The following LINGO2 variants were observed in gnomAD, a reference collection of about 807,000 sequenced individuals.
LINGO2 encodes leucine rich repeat and Ig domain containing 2, also known as leucine-rich repeat and immunoglobulin-like domain-containing nogo receptor-interacting protein 2.
Under a neutral mutation model 30.6 loss-of-function variants are expected in LINGO2, and 14 were observed. The ratio of observed to expected loss-of-function variants is 0.46; its 90% CI spans 0.30 to 0.72. LINGO2 has a LOEUF of 0.72. LINGO2 is among the 30% of genes least tolerant of loss of function. The probability of loss-of-function intolerance (pLI) is 0.07; values close to 1 mark genes in which losing one functional copy is unlikely to be tolerated. For missense variants in LINGO2, 729 were observed against 751.7 expected (o/e 0.97, Z 0.35); for synonymous variants, 317 against 288.5 (o/e 1.10, Z -1.00).
chr9:28,634,484 T>C (rs1487736525), intron 1 of LINGO2, among the ~76,000 whole-genome samples: 6 of 137,124 alleles, frequency 4.4e-5, no homozygotes, highest in Non-Finnish European at 6.1e-5. Flanking sequence ...TTTCTTTTTT[T>C]CTTTTTTTTT....
the LINGO2 span, among the ~76,000 whole-genome samples, chr9:29,002,392 C>T: frequency 1.3e-5 from 2 of 152,022 alleles, no homozygotes; most frequent in African/African-American, 4.8e-5. Flanking sequence ...AGCACATACA[C>T]AGATCTGAGT....
chr9:28,732,845 GAAGAAATCCTGGCCTGATGC>G, the LINGO2 span, among the ~76,000 whole-genome samples: 19 of 152,146 alleles, frequency 1.2e-4, no homozygotes, highest in African/African-American at 4.1e-4. Context: ...TCCACTTTCT[GAAGAAATCCTGGCCTGATGC>G]AAGAAATCCT....
chr9:28,681,139 A>G, the LINGO2 span, among the ~76,000 whole-genome samples: 44 of 152,012 alleles, frequency 2.9e-4, no homozygotes, highest in Middle Eastern at 0.01. Flanking sequence ...ATAAGGGTCT[A>G]AATTCACTCT....
the LINGO2 span, among the ~76,000 whole-genome samples, chr9:29,182,243 A>T: frequency 2.6e-5 from 4 of 152,214 alleles, no homozygotes; most frequent in Non-Finnish European, 4.4e-5. Flanking sequence ...GTAACTTTTC[A>T]GGAACATATC....
At chr9:28,717,182 T>G in the LINGO2 span, among the ~76,000 whole-genome samples, 5 of 151,986 alleles carry the variant, frequency 3.3e-5, no homozygotes, top group Non-Finnish European at 7.4e-5. Context: ...GACTAATGGC[T>G]GCTTTAACCC....
Position 28,102,742 on chromosome 9 carries a change from T to C in LINGO2, c.-86-90337A>G, listed in dbSNP as rs566905956. Among the ~76,000 whole-genome samples, 6 of 151,878 alleles carry C rather than the reference T, an allele frequency of 4.0e-5. No individual in the cohort carries two copies. In the East Asian group the frequency reaches 1.2e-3, roughly 29 times the overall value. ...GATCCCTTTTTATCACTAATAAGCA[T>C]AAAAAATGTTCACTAGCCTGTTTTC... On this transcript the variant is annotated intron_variant, in intron 4 of 5. Coordinates refer to ENST00000379992, the Ensembl canonical transcript of LINGO2.
the LINGO2 span, among the ~76,000 whole-genome samples, chr9:28,694,264 T>C: frequency 3.9e-5 from 6 of 152,034 alleles, no homozygotes; most frequent in South Asian, 6.2e-4. Context: ...TAGACAAATG[T>C]TAATAATAAA....
At chr9:28,761,499 C>CAT in the LINGO2 span, among the ~76,000 whole-genome samples, 4 of 150,458 alleles carry the variant, frequency 2.7e-5, no homozygotes, top group South Asian at 4.2e-4. Context: ...CACACACACA[C>CAT]GCACACACAC....
intron 5 of LINGO2, among the ~76,000 whole-genome samples, chr9:27,956,956 A>C (rs939074433): frequency 1.3e-5 from 2 of 152,056 alleles, no homozygotes; most frequent in African/African-American, 4.8e-5. Flanking sequence ...ATAGCCAGGC[A>C]TGGTGGCATG....
chr9:28,734,926 A>G, the LINGO2 span, among the ~76,000 whole-genome samples: 9 of 152,152 alleles, frequency 5.9e-5, no homozygotes, highest in African/African-American at 9.7e-5. Context: ...GACTATTTCA[A>G]TCAGCATAAT....
chr9:29,124,571 A>G, the LINGO2 span, among the ~76,000 whole-genome samples: 1 of 152,194 alleles, frequency 6.6e-6, no homozygotes, highest in Admixed American at 6.5e-5. Context: ...TATAAGAAAT[A>G]AACAAACAAC....
the LINGO2 span, among the ~76,000 whole-genome samples, chr9:29,047,930 CCT>C: frequency 6.6e-6 from 1 of 151,574 alleles, no homozygotes. Context: ...ATGGTGAAAC[CCT>C]GTCTCCCAAA....
At chr9:28,332,527 G>C (rs1295481390) in intron 3 of LINGO2, among the ~76,000 whole-genome samples, 1 of 151,816 alleles carries the variant, frequency 6.6e-6, no homozygotes, top group Non-Finnish European at 1.5e-5. Flanking sequence ...ATCATCCTAG[G>C]GTGGTACTAT....
intron 4 of LINGO2, among the ~76,000 whole-genome samples, chr9:28,256,706 T>C (rs537465458): frequency 6.6e-5 from 10 of 151,880 alleles, no homozygotes; most frequent in Middle Eastern, 3.4e-3. Flanking sequence ...GCTTGAAAAA[T>C]AGAAATGCTT....
intron 4 of LINGO2, among the ~76,000 whole-genome samples, chr9:28,065,836 G>A (rs1825296896): frequency 6.6e-6 from 1 of 152,026 alleles, no homozygotes; most frequent in African/African-American, 2.4e-5. Flanking sequence ...GGTGGCATTG[G>A]TGATAACAAA....
intron 1 of LINGO2, among the ~76,000 whole-genome samples, chr9:28,512,556 T>C (rs1820432246): frequency 7.0e-6 from 1 of 143,192 alleles, no homozygotes; most frequent in Admixed American, 7.2e-5. Flanking sequence ...GTATTAGGGT[T>C]CTCTAGAGGG....
At chr9:28,804,552 CAAAAACAAAAACAAAAA>C in the LINGO2 span, among the ~76,000 whole-genome samples, 2 of 106,114 alleles carry the variant, frequency 1.9e-5, no homozygotes, top group East Asian at 2.6e-4. Context: ...AAAACAAAAA[CAAAAACAAAAACAAAAA>C]AAAAACAGAT....
At chr9:28,995,115 A>C in the LINGO2 span, among the ~76,000 whole-genome samples, 5 of 152,026 alleles carry the variant, frequency 3.3e-5, no homozygotes, top group African/African-American at 1.2e-4. Flanking sequence ...TTGGCAACCT[A>C]CTCATCTGAC....
At chr9:28,035,852 T>C (rs1823904776) in intron 4 of LINGO2, among the ~76,000 whole-genome samples, 1 of 151,360 alleles carries the variant, frequency 6.6e-6, no homozygotes, top group Admixed American at 6.6e-5. Flanking sequence ...ATGAATTGCT[T>C]TTTAAACAAG....
Sources: gnomAD v4.1 joint callset for allele counts (sites outside exome capture counted in the v4.1 genomes callset) on GRCh38, gnomAD v4.1.1 for gene constraint, MANE v1.5 for transcripts, NCBI Gene and HGNC (gene_info 2026-07-23, HGNC 2026-07-21) for gene names.